Variants in COL4A6 observed in about 807,000 individuals in gnomAD.
The protein encoded by COL4A6 is collagen type IV alpha 6 chain.
Under a neutral mutation model 126.7 loss-of-function variants are expected in COL4A6, and 59 were observed. The ratio of observed to expected loss-of-function variants is 0.47; its 90% confidence interval spans 0.38 to 0.58. COL4A6 has a LOEUF of 0.58. Ranked by LOEUF, COL4A6 falls within the 20% of genes least tolerant of loss-of-function variation. The probability of loss-of-function intolerance (pLI) is 0.00; values close to 1 mark genes in which losing one functional copy is unlikely to be tolerated. For synonymous variants in COL4A6, 547 were observed against 496.6 expected, an observed-to-expected ratio of 1.10 and a Z score of -1.35; for missense variants, 1,285 against 1,337.3, an observed-to-expected ratio of 0.96 and a Z score of 0.61.
At chrX:108,273,083 G>T (rs958720134) in intron 3 of COL4A6, among the ~76,000 whole-genome samples, 2 of 109,570 alleles carry the variant, frequency 1.8e-5, no homozygotes, top group Non-Finnish European at 3.8e-5. Flanking sequence ...ATCCCTCCCC[G>T]CTCCCTCCAC....
At chrX:108,224,203 C>T (rs1471316899) in intron 3 of COL4A6, among the ~76,000 whole-genome samples, 2 of 112,060 alleles carry the variant, frequency 1.8e-5, no homozygotes, top group Non-Finnish European at 3.8e-5. Flanking sequence ...AACTCTGATT[C>T]CATGTAGAAA....
intron 2 of COL4A6, among the ~76,000 whole-genome samples, chrX:108,357,455 C>A (rs1018937671): frequency 1.2e-4 from 13 of 111,578 alleles, no homozygotes; most frequent in African/African-American, 4.2e-4. Flanking sequence ...ATTCTGCTTA[C>A]ACCCTGGCCT....
chrX:108,314,413 C>A (rs768083634), intron 2 of COL4A6, among the ~76,000 whole-genome samples: 1 of 111,825 alleles, frequency 8.9e-6, no homozygotes, highest in Non-Finnish European at 1.9e-5. Context: ...AATTCAAGTT[C>A]TATATTTTCC....
intron 2 of COL4A6, among the ~76,000 whole-genome samples, chrX:108,334,551 T>A (rs1171899358): frequency 8.9e-6 from 1 of 111,798 alleles, no homozygotes; most frequent in Admixed American, 9.5e-5. Context: ...TTAGAGGCAA[T>A]AAAGTAACAT....
At chrX:108,410,628 A>C (rs540193474) in intron 2 of COL4A6, among the ~76,000 whole-genome samples, 1 of 111,783 alleles carries the variant, frequency 8.9e-6, no homozygotes, top group Admixed American at 9.5e-5. Flanking sequence ...TGGGTATATC[A>C]GTTTAAAAAT....
intron 2 of COL4A6, among the ~76,000 whole-genome samples, chrX:108,380,540 T>G (rs1177882116): frequency 8.9e-6 from 1 of 112,154 alleles, no homozygotes; most frequent in African/African-American, 3.2e-5. Context: ...CCTGTGGTAT[T>G]GATTAACTTT....
At chrX:108,378,073 TA>T (rs544256895) in intron 2 of COL4A6, among the ~76,000 whole-genome samples, 133 of 107,321 alleles carry the variant, frequency 1.2e-3, no homozygotes, top group African/African-American at 3.0e-3. Context: ...TGAAGAAATT[TA>T]AAAAAAAAAT....
intron 3 of COL4A6, among the ~76,000 whole-genome samples, chrX:108,284,410 G>GT (rs1009180761): frequency 6.3e-5 from 7 of 111,329 alleles, no homozygotes; most frequent in Admixed American, 2.9e-4. Context: ...GTATACCTAT[G>GT]TAACAAACCT....
chrX:108,421,206 G>A (rs1172492770), intron 2 of COL4A6, among the ~76,000 whole-genome samples: 1 of 111,973 alleles, frequency 8.9e-6, no homozygotes, highest in Non-Finnish European at 1.9e-5. Flanking sequence ...CTTGAATACA[G>A]AGCTGGAAGA....
chrX:108,384,152 T>G (rs2148144798), intron 2 of COL4A6, among the ~76,000 whole-genome samples: 1 of 111,888 alleles, frequency 8.9e-6, no homozygotes, highest in East Asian at 2.8e-4. Flanking sequence ...TCTATCCTTT[T>G]TATCCTCTAT....
At chrX:108,181,860 C>T (rs1288913036) in intron 23 of COL4A6, among the ~76,000 whole-genome samples, 4 of 112,144 alleles carry the variant, frequency 3.6e-5, no homozygotes, top group African/African-American at 9.7e-5. Context: ...TAAGCCTTGC[C>T]TATTCATTAA....
intron 2 of COL4A6, among the ~76,000 whole-genome samples, chrX:108,320,556 G>A (rs1434902267): frequency 9.0e-6 from 1 of 111,447 alleles, no homozygotes; most frequent in Non-Finnish European, 1.9e-5. Flanking sequence ...AGGATCAATG[G>A]ATGATTGACT....
At chrX:108,182,512 A>G (rs1389244984) in intron 23 of COL4A6, among the ~76,000 whole-genome samples, 1 of 112,185 alleles carries the variant, frequency 8.9e-6, no homozygotes, top group Non-Finnish European at 1.9e-5. Flanking sequence ...ACCCTGCCAG[A>G]CATCAAGATG....
At chrX:108,304,658 C>T (rs891089486) in intron 3 of COL4A6, among the ~76,000 whole-genome samples, 2 of 111,944 alleles carry the variant, frequency 1.8e-5, no homozygotes, top group Non-Finnish European at 3.8e-5. Context: ...AAAAGATAAG[C>T]ATTTTGCCAA....
At chrX:108,421,861 A>G (rs1011056828) in intron 2 of COL4A6, among the ~76,000 whole-genome samples, 8 of 111,948 alleles carry the variant, frequency 7.1e-5, no homozygotes, top group African/African-American at 2.6e-4. Context: ...GCAGTGTTTT[A>G]CTTCTTAAGC....
intron 2 of COL4A6, among the ~76,000 whole-genome samples, chrX:108,319,156 C>T (rs113548797): frequency 1.8e-5 from 2 of 111,877 alleles, no homozygotes; most frequent in African/African-American, 6.5e-5. Context: ...GCAGGGGGAT[C>T]GCTTGAGCCG....
At chrX:108,397,073 G>A (rs990882469) in intron 2 of COL4A6, among the ~76,000 whole-genome samples, 2 of 111,877 alleles carry the variant, frequency 1.8e-5, no homozygotes, top group African/African-American at 6.5e-5. Context: ...CACAAATTCA[G>A]TTATACACAC....
intron 3 of COL4A6, among the ~76,000 whole-genome samples, chrX:108,251,749 A>G (rs1384315186): frequency 8.9e-6 from 1 of 111,820 alleles, no homozygotes; most frequent in African/African-American, 3.2e-5. Flanking sequence ...ATATTTTGCA[A>G]CAAGTTTTAT....
At chrX:108,181,007 G>T in intron 23 of COL4A6, 39 bp from the exon 24 acceptor site, 1 of 1,112,848 alleles carries the variant, frequency 9.0e-7, no homozygotes, top group African/African-American at 1.8e-5. Context: ...TGAACCCAGA[G>T]TTAGGGAAGA....
Sources: gnomAD v4.1 joint callset for allele counts (sites outside exome capture counted in the v4.1 genomes callset) on GRCh38, gnomAD v4.1.1 for gene constraint, MANE v1.5 for transcripts, NCBI Gene and HGNC (gene_info 2026-07-23, HGNC 2026-07-21) for gene names.